The following ZNF534 variants were observed in gnomAD, a reference collection of about 807,000 sequenced individuals.
The protein encoded by ZNF534 is KRAB domain only 3.
A neutral mutation model predicts 13.6 loss-of-function variants in ZNF534; 19 were observed. That is an observed-to-expected ratio of 1.40 (90% CI 0.97 to 2.05). The LOEUF (loss-of-function observed/expected upper bound fraction) is 2.05, where lower values mean the gene tolerates loss of function less well. Among genes scored for constraint, ZNF534 ranks in the 30% most tolerant of loss-of-function variants. The pLI is 0.00. For synonymous variants in ZNF534, 244 were observed against 273.8 expected (o/e 0.89, Z 1.07); for missense variants, 782 against 796.3 (o/e 0.98, Z 0.22).
chr19:52,443,186 A>G (rs1252412613), downstream of ZNF534, among the ~76,000 whole-genome samples: 1 of 152,192 alleles, frequency 6.6e-6, no homozygotes, highest in Admixed American at 6.5e-5. Context: ...CTGAGCACAC[A>G]GAATGGGAAT....
chr19:52,433,523 C>T (rs11667133), intron 2 of ZNF534, among the ~76,000 whole-genome samples: 2 of 151,904 alleles, frequency 1.3e-5, no homozygotes, highest in Non-Finnish European at 2.9e-5. Flanking sequence ...CCCACCACCG[C>T]GCCTGGCTAA....
downstream of ZNF534, among the ~76,000 whole-genome samples, chr19:52,442,753 G>T (rs2059180830): frequency 1.3e-5 from 2 of 152,176 alleles, no homozygotes; most frequent in African/African-American, 4.8e-5. Flanking sequence ...TAGGATGACA[G>T]GGCTGATTTC....
exon 5 of ZNF534, chr19:52,451,408 G>A: frequency 1.3e-6 from 1 of 749,964 alleles, no homozygotes; most frequent in Non-Finnish European, 2.3e-6. Flanking sequence ...TCTCAGGGCC[G>A]GGCCCGCCCC....
intron 2 of ZNF534, among the ~76,000 whole-genome samples, chr19:52,432,660 T>G (rs2059095516): frequency 6.6e-6 from 1 of 151,328 alleles, no homozygotes; most frequent in Non-Finnish European, 1.5e-5. Flanking sequence ...TGAGACAGGG[T>G]CTCGCCCTGT....
rs2059143430 is a variant in ZNF534, at chr19:52,438,303, C to G, written c.843C>G (p.His281Gln). ...NNKECGKVFS[H>Q]HAYLAQHRKI... is the part of the protein sequence containing the mutation. Reference sequence around the variant, plus strand: ...AAGAATGTGGGAAAGTCTTTAGTCACCATGCCTACCTTGCACAGCATAGGA... The same window carrying G: ...AAGAATGTGGGAAAGTCTTTAGTCAGCATGCCTACCTTGCACAGCATAGGA... The change falls in exon 5 of 5, where the codon CAC becomes CAG. Residue 281 changes from histidine to glutamine, a missense_variant. Around this residue, in one of 5 missense-constraint regions of ZNF534, gnomAD observed 591 missense variants for 574.0 expected, o/e 1.03. Transcript: ENST00000433050. 1.2e-6 allele frequency: 2 copies of G among 1,605,966 alleles called. No homozygotes were observed. The highest frequency in any genetic ancestry group is 1.7e-6 in the Non-Finnish European group (2 of 1,173,738).
downstream of ZNF534, among the ~76,000 whole-genome samples, chr19:52,446,722 G>A (rs1000880700): frequency 6.6e-6 from 1 of 152,144 alleles, no homozygotes; most frequent in African/African-American, 2.4e-5. Context: ...GCTGACTGTA[G>A]TAGTACATGC....
intron 2 of ZNF534, among the ~76,000 whole-genome samples, chr19:52,433,228 T>G (rs1273839821): frequency 1.2e-5 from 1 of 84,866 alleles, no homozygotes; most frequent in African/African-American, 4.6e-5. Flanking sequence ...AACAGTAAGA[T>G]CCTATCTCAA....
At chr19:52,430,580 G>A (rs755641348) in intron 1 of ZNF534, among the ~76,000 whole-genome samples, 1 of 149,166 alleles carries the variant, frequency 6.7e-6, no homozygotes, top group Admixed American at 6.7e-5. Context: ...AGATAGAGTC[G>A]CACTCTGTCA....
chr19:52,443,333 A>T (rs559267199), downstream of ZNF534, among the ~76,000 whole-genome samples: 29 of 152,286 alleles, frequency 1.9e-4, no homozygotes, highest in Middle Eastern at 3.4e-3. Context: ...TTCCTCAGTT[A>T]TTACCCTAAA....
Position 52,442,413 on chromosome 19 carries a change from A to G in ZNF534, c.*2967A>G, listed in dbSNP as rs529104457. Reference sequence around the variant, plus strand: ...ACCAGAGCCCATCCCTTTGTTTCCCATAAGGAATGCTTTTATGTAATCTAT... The same window carrying G: ...ACCAGAGCCCATCCCTTTGTTTCCCGTAAGGAATGCTTTTATGTAATCTAT... On this transcript the variant is annotated 3_prime_UTR_variant, in exon 5 of 5. Coordinates refer to ENST00000433050, the MANE Select transcript of ZNF534 (RefSeq NM_001143938.3). 3.9e-5 allele frequency among the ~76,000 whole-genome samples: 6 copies of G among 152,346 alleles called. No homozygotes were observed. The South Asian group carries it at 1.2e-3, about 32-fold the overall frequency.
intron 4 of ZNF534, among the ~76,000 whole-genome samples, chr19:52,450,284 C>A (rs538432523): frequency 2.0e-5 from 3 of 152,066 alleles, no homozygotes; most frequent in Non-Finnish European, 4.4e-5. Context: ...CTATTGTTTT[C>A]TTATAGTTTT....
intron 2 of ZNF534, among the ~76,000 whole-genome samples, chr19:52,433,174 G>A (rs1163620892): frequency 1.4e-5 from 2 of 146,422 alleles, no homozygotes; most frequent in Admixed American, 7.0e-5. Flanking sequence ...GGGAGGCAGA[G>A]GTTGCAGTGG....
At position 52,438,996 on chromosome 19, in the gene ZNF534, T is replaced by C. The variant is rs990550390; in HGVS notation, c.1536T>C (p.His512=). The C allele has an allele frequency of 5.0e-6, 8 of 1,603,912 alleles. No individual in the cohort carries two copies. In the African/African-American group the frequency reaches 8.1e-5, roughly 16 times the overall value. ...VFRQNSHLAQ[H]RDIHTGEKPY... ...GTCAGAATTCACACCTTGCACAACATAGGGATATTCATACTGGAGAGAAGC... is the reference window on the plus strand; with the variant it reads ...GTCAGAATTCACACCTTGCACAACACAGGGATATTCATACTGGAGAGAAGC... The change falls in exon 5 of 5, where the codon CAT becomes CAC. Residue 512 remains histidine (H), a synonymous_variant. Transcript: ENST00000433050.
chr19:52,438,876 C>G lies in ZNF534; in HGVS notation c.1416C>G (p.Gly472=). The G allele has an allele frequency of 6.3e-7, 1 of 1,596,810 alleles. No individual in the cohort carries two copies. Among genetic ancestry groups the G allele is most frequent in the East Asian group, 2.3e-5 (1 of 44,152 alleles). ...GEKPYKCNEC[G]KVFSQNSNLQ... is the part of the protein sequence containing the mutation. ...AGCCTTACAAATGTAACGAATGTGGCAAGGTCTTCAGTCAGAATTCAAACC... is the reference window on the plus strand; with the variant it reads ...AGCCTTACAAATGTAACGAATGTGGGAAGGTCTTCAGTCAGAATTCAAACC... Residue 472 remains glycine (G), a synonymous_variant, in exon 5 of 5, where the codon GGC becomes GGG. Coordinates refer to ENST00000433050, the MANE Select transcript of ZNF534 (RefSeq NM_001143938.3).
chr19:52,446,948 G>C (rs905262927), downstream of ZNF534, among the ~76,000 whole-genome samples: 2 of 152,172 alleles, frequency 1.3e-5, no homozygotes, highest in African/African-American at 4.8e-5. Flanking sequence ...TCAATCTTGA[G>C]GAAAGAATTT....
At chr19:52,445,499 A>T (rs2059191365), downstream of ZNF534, among the ~76,000 whole-genome samples, 1 of 152,158 alleles carries the variant, frequency 6.6e-6, no homozygotes. Context: ...ACCCAGCCTC[A>T]GTTCTCTAAA....
intron 1 of ZNF534, among the ~76,000 whole-genome samples, chr19:52,429,795 A>C (rs996315357): frequency 1.3e-5 from 2 of 151,656 alleles, no homozygotes; most frequent in Non-Finnish European, 2.9e-5. Context: ...GGGTTTCACC[A>C]TGTTGGCCAG....
intron 4 of ZNF534, among the ~76,000 whole-genome samples, chr19:52,450,874 A>G (rs1453603866): frequency 1.3e-5 from 2 of 151,088 alleles, no homozygotes; most frequent in Non-Finnish European, 3.0e-5. Flanking sequence ...TTTTGTAGGG[A>G]TGGGTTTTGC....
intron 2 of ZNF534, among the ~76,000 whole-genome samples, chr19:52,433,311 C>CT (rs2059102193): frequency 6.7e-6 from 1 of 149,006 alleles, no homozygotes; most frequent in African/African-American, 2.5e-5. Flanking sequence ...ACTTGTATCT[C>CT]AGGTAGATAC....
Sources: gnomAD v4.1 joint callset for allele counts (sites outside exome capture counted in the v4.1 genomes callset) on GRCh38, gnomAD v4.1.1 for gene constraint, gnomAD v4.1.1 regional missense constraint, MANE v1.5 for transcripts, NCBI Gene and HGNC (gene_info 2026-07-23, HGNC 2026-07-21) for gene names.